The following ESR1 variants were observed in gnomAD, a reference collection of about 807,000 sequenced individuals.
The protein encoded by ESR1 is estrogen receptor.
In ESR1, 12 loss-of-function variants were observed where a neutral mutation model predicts 52.7. The ratio of observed to expected loss-of-function variants is 0.23; its 90% confidence interval spans 0.15 to 0.37. ESR1 has a LOEUF of 0.37. Ranked by LOEUF, ESR1 falls within the 10% of genes least tolerant of loss-of-function variation. The pLI is 1.00. For missense variants in ESR1, 584 were observed against 779.7 expected (o/e 0.75, Z 2.99); for synonymous variants, 305 against 316.8 (o/e 0.96, Z 0.39).
At chr6:151,674,916 G>A (rs1227325666) in intron 1 of ESR1, among the ~76,000 whole-genome samples, 1 of 152,156 alleles carries the variant, frequency 6.6e-6, no homozygotes, top group African/African-American at 2.4e-5. Flanking sequence ...TTTCTGTTGA[G>A]AAATGCTATG....
chr6:151,817,235 C>T (rs1292925735), intron 1 of ESR1, among the ~76,000 whole-genome samples: 2 of 152,200 alleles, frequency 1.3e-5, no homozygotes, highest in African/African-American at 4.8e-5. Flanking sequence ...GCAGTTCTGA[C>T]AATTGCTCTG....
At chr6:151,846,509 C>T (rs995989336) in intron 2 of ESR1, among the ~76,000 whole-genome samples, 5 of 152,172 alleles carry the variant, frequency 3.3e-5, no homozygotes, top group Non-Finnish European at 5.9e-5. Context: ...GGGTCTGACA[C>T]GTAGGTGGGA....
chr6:151,833,660 C>T (rs1782810832), intron 1 of ESR1, among the ~76,000 whole-genome samples: 1 of 152,132 alleles, frequency 6.6e-6, no homozygotes, highest in Non-Finnish European at 1.5e-5. Context: ...CAAGTGAGGT[C>T]ACCACAGTCC....
intron 1 of ESR1, among the ~76,000 whole-genome samples, chr6:151,697,467 G>A (rs913402958): frequency 1.3e-5 from 2 of 152,174 alleles, no homozygotes; most frequent in Non-Finnish European, 2.9e-5. Context: ...GTGATACAAT[G>A]AAGACTAAGT....
chr6:152,063,175 GCTTCTTTCTTAGGATCTTCTGTGCA>G (rs1226140902), intron 6 of ESR1, among the ~76,000 whole-genome samples: 6 of 152,176 alleles, frequency 3.9e-5, no homozygotes, highest in African/African-American at 1.2e-4. Context: ...TTGTTCCTTC[GCTTCTTTCTTAGGATCTTCTGTGCA>G]CTTCTTTCTT....
At chr6:152,120,813 C>A (rs570299304) in intron 6 of ESR1, among the ~76,000 whole-genome samples, 13 of 152,296 alleles carry the variant, frequency 8.5e-5, no homozygotes, top group Non-Finnish European at 1.6e-4. Context: ...TGGACTCAGA[C>A]TACCTGCATT....
At chr6:151,914,696 G>T (rs539648696) in intron 3 of ESR1, among the ~76,000 whole-genome samples, 36 of 152,238 alleles carry the variant, frequency 2.4e-4, no homozygotes, top group African/African-American at 8.4e-4. Flanking sequence ...TTGAGTCATT[G>T]TTACCTCCCT....
chr6:152,058,272 A>G (rs2047266923), intron 5 of ESR1, among the ~76,000 whole-genome samples: 1 of 152,136 alleles, frequency 6.6e-6, no homozygotes, highest in African/African-American at 2.4e-5. Context: ...CTCCCCACTC[A>G]ATGCCAATGG....
chr6:151,956,350 C>T (rs200324446), intron 4 of ESR1, among the ~76,000 whole-genome samples: 14 of 152,334 alleles, frequency 9.2e-5, no homozygotes, highest in South Asian at 4.1e-4. Flanking sequence ...CTTCACAGAA[C>T]GTTCATTCTA....
At chr6:151,870,323 G>A (rs982211120) in intron 2 of ESR1, among the ~76,000 whole-genome samples, 5 of 152,104 alleles carry the variant, frequency 3.3e-5, no homozygotes, top group Admixed American at 3.3e-4. Flanking sequence ...AACTATGGAA[G>A]TGTTAGGAAT....
chr6:151,932,811 A>G (rs2033844429), intron 3 of ESR1, among the ~76,000 whole-genome samples: 1 of 147,962 alleles, frequency 6.8e-6, no homozygotes, highest in South Asian at 2.2e-4. Flanking sequence ...CCATTGATCT[A>G]TATCTCTGTT....
intron 4 of ESR1, among the ~76,000 whole-genome samples, chr6:151,995,016 A>C (rs1369010510): frequency 6.6e-6 from 1 of 152,144 alleles, no homozygotes; most frequent in African/African-American, 2.4e-5. Flanking sequence ...TCATATCTTC[A>C]GTGTTTCTCA....
At chr6:151,759,602 T>G (rs1784524669) in intron 2 of ESR1, among the ~76,000 whole-genome samples, 1 of 152,234 alleles carries the variant, frequency 6.6e-6, no homozygotes, top group Non-Finnish European at 1.5e-5. Flanking sequence ...GAAGCTAGTT[T>G]AGTATCTCCT....
At position 152,099,545 on chromosome 6, in the gene ESR1, A is replaced by G. The variant is rs923893303; in HGVS notation, c.*579A>G. The G allele has an allele frequency of 2.5e-5, 6 of 243,972 alleles. No individual in the cohort carries two copies. The highest frequency in any genetic ancestry group is 1.3e-4 in the African/African-American group (6 of 45,574). The allele number at this position is 243,972 out of a possible 1,614,324, so 15.1% of individuals were successfully genotyped here. ...CAGAGTATCTGGTGATTGTCAATTC[A>G]TTCCCCCTATAGGAATACAAGGGGC... is the stretch of plus-strand genomic sequence containing the variant. On this transcript the variant is annotated 3_prime_UTR_variant, in exon 8 of 8. Coordinates refer to ENST00000206249, the MANE Select transcript of ESR1 (RefSeq NM_000125.4).
chr6:151,996,888 G>A (rs1232599382), intron 4 of ESR1, among the ~76,000 whole-genome samples: 2 of 151,952 alleles, frequency 1.3e-5, no homozygotes, highest in Non-Finnish European at 2.9e-5. Flanking sequence ...CATTTTTTGG[G>A]TAATTTCAAA....
intron 5 of ESR1, among the ~76,000 whole-genome samples, chr6:152,056,231 A>G (rs2047090466): frequency 6.6e-6 from 1 of 152,232 alleles, no homozygotes; most frequent in Admixed American, 6.5e-5. Context: ...CATTTTGAGC[A>G]CATGCTGAGA....
At chr6:152,097,440 T>C (rs3778099) in intron 7 of ESR1, among the ~76,000 whole-genome samples, 21,817 of 151,910 alleles carry the variant, frequency 0.14, 1,937 homozygotes, top group East Asian at 0.38. Context: ...GTAATTTAGA[T>C]CATGCTGTAG....
rs527482042 is a variant in ESR1 at position 151,894,626 on chromosome 6, C to A, written c.760+13855C>A. On this transcript the variant is annotated intron_variant, in intron 3 of 7. Transcript: ENST00000206249. ...ATGTGGTTTGGCAATTATCCCAGTACCATTTGTTGAATAGGGTGTCCTTTC... is the reference window on the plus strand; with the variant it reads ...ATGTGGTTTGGCAATTATCCCAGTAACATTTGTTGAATAGGGTGTCCTTTC... Among the ~76,000 whole-genome samples the A allele has an allele frequency of 4.6e-5, 7 of 152,210 alleles. No individual in the cohort carries two copies. The South Asian group carries it at 1.0e-3, about 23-fold the overall frequency.
intron 2 of ESR1, among the ~76,000 whole-genome samples, chr6:151,748,427 C>A (rs1783645557): frequency 6.6e-6 from 1 of 152,184 alleles, no homozygotes; most frequent in Non-Finnish European, 1.5e-5. Context: ...CTGCCTCATT[C>A]TTTTTACTCT....
Sources: allele counts gnomAD v4.1 joint callset (sites outside exome capture counted in the v4.1 genomes callset), GRCh38; gene constraint gnomAD v4.1.1; transcripts MANE v1.5; gene names NCBI Gene and HGNC (gene_info 2026-07-23, HGNC 2026-07-21).